Variants in CRMP1 observed in about 807,000 individuals in gnomAD.
CRMP1 encodes collapsin response mediator protein 1.
Under a neutral mutation model 68.3 loss-of-function variants are expected in CRMP1, and 19 were observed. The observed-to-expected ratio is 0.28, with a 90% confidence interval of 0.19 to 0.41. The LOEUF (loss-of-function observed/expected upper bound fraction) is 0.41. CRMP1 is among the 10% of genes least tolerant of loss of function. The pLI, the probability that CRMP1 is intolerant of heterozygous loss-of-function variation, is 1.00. For synonymous variants in CRMP1, 439 were observed against 399.6 expected, an observed-to-expected ratio of 1.10 and a Z score of -1.18; for missense variants, 791 against 967.4, an observed-to-expected ratio of 0.82 and a Z score of 2.42.
chr4:5,863,249 C>T (rs1182618432), intron 2 of CRMP1, among the ~76,000 whole-genome samples: 1 of 151,904 alleles, frequency 6.6e-6, no homozygotes, highest in Non-Finnish European at 1.5e-5. Context: ...CAATCATAGC[C>T]TCTTAACAAA....
chr4:5,878,437 G>T (rs1714995486), intron 1 of CRMP1, among the ~76,000 whole-genome samples: 1 of 152,124 alleles, frequency 6.6e-6, no homozygotes, highest in South Asian at 2.1e-4. Flanking sequence ...GTCAAAAGTG[G>T]TTAAGGCAGA....
At chr4:5,873,434 G>C (rs1714600382) in intron 1 of CRMP1, among the ~76,000 whole-genome samples, 2 of 152,028 alleles carry the variant, frequency 1.3e-5, no homozygotes. Flanking sequence ...TCTGCAGGCT[G>C]TACAGGAAGC....
rs775812490 is a variant in CRMP1, at chr4:5,850,981, G to C, written c.882+427C>G. Among the ~76,000 whole-genome samples the C allele has an allele frequency of 6.6e-6, 1 of 152,204 alleles. No individual in the cohort carries two copies. Among genetic ancestry groups the C allele is most frequent in the Admixed American group, 6.5e-5 (1 of 15,280 alleles). Reference sequence around the variant, plus strand: ...TTGCCCAGCATGTTGCAGTTGCTGTGAGGGAAGGCCAGGCAGTCTCTCTTC... The same window carrying C: ...TTGCCCAGCATGTTGCAGTTGCTGTCAGGGAAGGCCAGGCAGTCTCTCTTC... On this transcript the variant is annotated intron_variant, in intron 5 of 13. Coordinates refer to ENST00000324989, the MANE Select transcript of CRMP1 (RefSeq NM_001014809.3). This position sits in a 1 kb window ranked among gnomAD's most constrained non-coding sequence, Gnocchi z 4.4.
chr4:5,887,583 T>TC, intron 1 of CRMP1: 1 of 984,756 alleles, frequency 1.0e-6, no homozygotes, highest in Non-Finnish European at 1.2e-6. Flanking sequence ...TCCACCACCG[T>TC]CCCCACCCTC....
chr4:5,886,549 T>C (rs1715599857), intron 1 of CRMP1, among the ~76,000 whole-genome samples: 1 of 152,224 alleles, frequency 6.6e-6, no homozygotes, highest in Non-Finnish European at 1.5e-5. Context: ...AGACTGGGAC[T>C]GCACACTTTC....
intron 12 of CRMP1, among the ~76,000 whole-genome samples, chr4:5,827,400 C>T (rs980563150): frequency 2.0e-5 from 3 of 152,208 alleles, no homozygotes; most frequent in Non-Finnish European, 4.4e-5. Flanking sequence ...ATCTGTGCGA[C>T]TTGGTGTCTT....
rs1023699945 is a variant in CRMP1 at position 5,872,622 on chromosome 4, G to C, written c.382-5866C>G. ...GAATCACTTGAACCCAGGAGGCGGA[G>C]GTTGCAGTGAGCTGAGATCGCACCG... On this transcript the variant is annotated intron_variant, in intron 1 of 13. Coordinates refer to ENST00000324989, the MANE Select transcript of CRMP1 (RefSeq NM_001014809.3). The surrounding 1 kb of genome is among the most constrained non-coding windows in gnomAD (Gnocchi z 4.6). 1.3e-5 allele frequency among the ~76,000 whole-genome samples: 2 copies of C among 152,232 alleles called. No individual in the cohort carries two copies. Among genetic ancestry groups the C allele is most frequent in the Non-Finnish European group, 2.9e-5 (2 of 68,046 alleles).
intron 1 of CRMP1, among the ~76,000 whole-genome samples, chr4:5,868,267 A>ATATCTATC (rs1553907502): frequency 6.0e-5 from 1 of 16,768 alleles, no homozygotes; most frequent in Admixed American, 4.2e-4. Flanking sequence ...ATATCTATAT[A>ATATCTATC]TATATATATA....
At chr4:5,844,555 G>C (rs73797926) in intron 6 of CRMP1, among the ~76,000 whole-genome samples, 16,785 of 152,198 alleles carry the variant, frequency 0.11, 1,682 homozygotes, top group African/African-American at 0.28. Flanking sequence ...GAAGTCACAA[G>C]AGAAAGAGAC....
At chr4:5,869,626 G>C (rs900581154) in intron 1 of CRMP1, among the ~76,000 whole-genome samples, 4 of 148,472 alleles carry the variant, frequency 2.7e-5, no homozygotes, top group African/African-American at 9.9e-5. Flanking sequence ...AGAGCTTGCA[G>C]TGAGCCGAGA....
In CRMP1 at chr4:5,888,492, G is replaced by T; in HGVS notation, c.381+4097C>A. The T allele has an allele frequency of 8.3e-7, 1 of 1,204,034 alleles. No individual in the cohort carries two copies. Among genetic ancestry groups the T allele is most frequent in the Non-Finnish European group, 1.0e-6 (1 of 970,350 alleles). 74.6% of individuals were successfully genotyped at this position (1,204,034 alleles called of 1,614,324 possible). A position where few individuals can be genotyped will look rare whatever the true frequency, so the allele number is the denominator to read the frequency against. On this transcript the variant is annotated intron_variant, in intron 1 of 13. Coordinates refer to ENST00000324989, the MANE Select transcript of CRMP1 (RefSeq NM_001014809.3). The surrounding 1 kb of genome is among the most constrained non-coding windows in gnomAD (Gnocchi z 6.4). ...CACCGCCCGGATCGGCGAGGAGGGC[G>T]GGAGAAGGAGGAGGGAGAGGCGAGG...
Position 5,825,612 on chromosome 4 carries a change from C to T in CRMP1, c.1851G>A (p.Val617=), listed in dbSNP as rs1719430112. 6.2e-7 allele frequency: 1 copy of T among 1,606,272 alleles called. No homozygotes were observed. Among genetic ancestry groups the T allele is most frequent in the Non-Finnish European group, 8.5e-7 (1 of 1,177,626 alleles). ...ATTTGGGTGTAGCTGGTACCTCGTACACAGGACCGTCATACATGCCCCTGG... is the reference window on the plus strand; with the variant it reads ...ATTTGGGTGTAGCTGGTACCTCGTATACAGGACCGTCATACATGCCCCTGG... The part of the protein sequence containing the change: ...GVSRGMYDGP[V]YEVPATPKYA... The change falls in exon 13 of 14, where the codon GTG becomes GTA. Residue 617 remains valine (V), a synonymous_variant. Coordinates refer to ENST00000324989, the MANE Select transcript of CRMP1 (RefSeq NM_001014809.3). This position sits in a 1 kb window ranked among gnomAD's most constrained non-coding sequence, Gnocchi z 4.4.
Position 5,834,103 on chromosome 4 carries a change from C to A in CRMP1, c.1623+1812G>T, listed in dbSNP as rs1225178493. ...AGCTCAGTCTACTTCCTTCTGGGTCCTTGTCCGCCGACCTTTGACTGGCTG... is the reference window on the plus strand; with the variant it reads ...AGCTCAGTCTACTTCCTTCTGGGTCATTGTCCGCCGACCTTTGACTGGCTG... On this transcript the variant is annotated intron_variant, in intron 11 of 13. Coordinates refer to ENST00000324989, the MANE Select transcript of CRMP1 (RefSeq NM_001014809.3). This position sits in a 1 kb window ranked among gnomAD's most constrained non-coding sequence, Gnocchi z 4.3. Among the ~76,000 whole-genome samples, 3 of 152,188 alleles carry A rather than the reference C, an allele frequency of 2.0e-5. No individual in the cohort carries two copies. The highest frequency in any genetic ancestry group is 4.4e-5 in the Non-Finnish European group (3 of 68,040).
At chr4:5,829,569 C>T (rs1463361456) in intron 11 of CRMP1, among the ~76,000 whole-genome samples, 1 of 152,166 alleles carries the variant, frequency 6.6e-6, no homozygotes, top group Non-Finnish European at 1.5e-5. Flanking sequence ...AGTCTGTGTT[C>T]TACTTGAGTC....
In CRMP1 at chr4:5,890,635, T is replaced by C. The variant is rs1467527508; in HGVS notation, c.381+1954A>G. Among the ~76,000 whole-genome samples the C allele has an allele frequency of 6.6e-6, 1 of 152,128 alleles. No homozygotes were observed. The highest frequency in any genetic ancestry group is 2.4e-5 in the African/African-American group (1 of 41,442). On this transcript the variant is annotated intron_variant, in intron 1 of 13. Transcript: ENST00000324989. This position sits in a 1 kb window ranked among gnomAD's most constrained non-coding sequence, Gnocchi z 5.5. ...GGAGCGCCAGAGGCGCTGCCTTTTG[T>C]CCGGTGCCTGAGAAGCCATGGAGAA...
In CRMP1 at chr4:5,834,561, T is replaced by C. The variant is rs150438094; in HGVS notation, c.1623+1354A>G. ...CGTGAGCCACATAAATTTATTTTCT[T>C]ATAAATTACCCAGTCTGTGGTATCT... On this transcript the variant is annotated intron_variant, in intron 11 of 13. Coordinates refer to ENST00000324989, the MANE Select transcript of CRMP1 (RefSeq NM_001014809.3). The surrounding 1 kb of genome is among the most constrained non-coding windows in gnomAD (Gnocchi z 4.3). 9.8e-5 allele frequency among the ~76,000 whole-genome samples: 15 copies of C among 152,304 alleles called. 1 individual carries two copies. The highest frequency in any genetic ancestry group is 3.4e-4 in the African/African-American group (14 of 41,554).
intron 11 of CRMP1, among the ~76,000 whole-genome samples, chr4:5,833,069 G>T (rs899717666): frequency 2.0e-5 from 3 of 151,912 alleles, no homozygotes; most frequent in Non-Finnish European, 4.4e-5. Context: ...TCAGACGCTA[G>T]AAGAGTGGCC....
Position 5,883,277 on chromosome 4 carries a change from T to C in CRMP1, c.381+9312A>G, listed in dbSNP as rs981686497. On this transcript the variant is annotated intron_variant, in intron 1 of 13. Coordinates refer to ENST00000324989, the MANE Select transcript of CRMP1 (RefSeq NM_001014809.3). This position sits in a 1 kb window ranked among gnomAD's most constrained non-coding sequence, Gnocchi z 4.5. ...CTTCCTTCCTCCCTCCCTCCCTCCC[T>C]TCCTGTCTTTCTATCTTTCTCTTTC... is the stretch of plus-strand genomic sequence containing the variant. Among the ~76,000 whole-genome samples the C allele has an allele frequency of 2.0e-4, 30 of 147,896 alleles. No individual in the cohort carries two copies. Among genetic ancestry groups the C allele is most frequent in the Admixed American group, 5.4e-4 (8 of 14,840 alleles).
At chr4:5,887,849 C>G (rs527399891) in intron 1 of CRMP1, 28 of 1,000,914 alleles carry the variant, frequency 2.8e-5, no homozygotes, top group Middle Eastern at 4.9e-4. Flanking sequence ...CAAGGAGGCT[C>G]AGCTCACCCT....
Sources: allele counts gnomAD v4.1 joint callset (sites outside exome capture counted in the v4.1 genomes callset), GRCh38; gene constraint gnomAD v4.1.1; non-coding constraint Gnocchi (gnomAD v3.1); transcripts MANE v1.5; gene names NCBI Gene and HGNC (gene_info 2026-07-23, HGNC 2026-07-21).